ERICH3: variants seen among roughly 807,000 people sequenced by gnomAD.
The protein encoded by ERICH3 is glutamate rich 3.
Under a neutral mutation model 131.1 loss-of-function variants are expected in ERICH3, and 126 were observed. The ratio of observed to expected loss-of-function variants is 0.96; its 90% CI spans 0.83 to 1.11. ERICH3 has a LOEUF of 1.11. ERICH3 is among the 50% of genes most tolerant of loss of function. The pLI, the probability that ERICH3 is intolerant of heterozygous loss-of-function variation, is 0.00. For missense variants in ERICH3, 2,050 were observed against 1,810.7 expected (o/e 1.13, Z -2.40); for synonymous variants, 695 against 644.6 (o/e 1.08, Z -1.18).
At chr1:74,665,877 G>A (rs535857580) in intron 1 of ERICH3, among the ~76,000 whole-genome samples, 10 of 152,168 alleles carry the variant, frequency 6.6e-5, no homozygotes, top group African/African-American at 2.4e-4. Context: ...CAGAAGGGAG[G>A]GTGGCACAAT....
rs541518326 is a variant in ERICH3, at chr1:74,607,004, G to T, written c.1188-102C>A. On this transcript the variant is annotated intron_variant, in intron 9 of 14. Coordinates refer to ENST00000326665, the MANE Select transcript of ERICH3 (RefSeq NM_001002912.5). ...CTTATCTCTTATTCCAGTAAAAAAA[G>T]ACACAAAAATGTTTTGATTACAGTA... The T allele has an allele frequency of 7.1e-6, 8 of 1,119,016 alleles. No homozygotes were observed. The South Asian group carries it at 8.9e-5, about 12-fold the overall frequency. The allele number at this position is 1,119,016 out of a possible 1,614,324, so 69.3% of individuals were successfully genotyped here. A position where few individuals can be genotyped will look rare whatever the true frequency, so the allele number is the denominator to read the frequency against.
intron 11 of ERICH3, among the ~76,000 whole-genome samples, chr1:74,596,206 T>C (rs2100571907): frequency 6.6e-6 from 1 of 152,188 alleles, no homozygotes; most frequent in Middle Eastern, 3.4e-3. Flanking sequence ...AAAAATGACT[T>C]CAAGTCTTAC....
intron 1 of ERICH3, among the ~76,000 whole-genome samples, chr1:74,672,052 G>T (rs1207927224): frequency 6.6e-6 from 1 of 152,130 alleles, no homozygotes; most frequent in Non-Finnish European, 1.5e-5. Context: ...TTTGACTTCA[G>T]TTTCTGAAAT....
At chr1:74,620,583 A>G in intron 8 of ERICH3, 151 bp downstream of exon 8, 1 of 603,248 alleles carries the variant, frequency 1.7e-6, no homozygotes, top group Non-Finnish European at 2.7e-6. Context: ...AGAGCAGTAA[A>G]TCTAGATTTA....
At chr1:74,641,573 A>T (rs1033934273) in intron 4 of ERICH3, 114 bp from the exon 5 acceptor site, 1 of 1,264,896 alleles carries the variant, frequency 7.9e-7, no homozygotes, top group Admixed American at 2.7e-5. Context: ...CATTTCTTCC[A>T]AGAGTTACTT....
At chr1:74,652,397 T>C (rs962589325) in intron 1 of ERICH3, among the ~76,000 whole-genome samples, 1 of 152,152 alleles carries the variant, frequency 6.6e-6, no homozygotes, top group African/African-American at 2.4e-5. Flanking sequence ...CCTTTTCACC[T>C]GTACTTGATA....
At chr1:74,642,624 T>C (rs1385558741) in intron 4 of ERICH3, among the ~76,000 whole-genome samples, 2 of 152,136 alleles carry the variant, frequency 1.3e-5, no homozygotes, top group Admixed American at 1.3e-4. Context: ...TTTCCAAGGG[T>C]CACATTCAAA....
At chr1:74,627,997 T>C (rs1033838101) in intron 7 of ERICH3, among the ~76,000 whole-genome samples, 4 of 152,066 alleles carry the variant, frequency 2.6e-5, no homozygotes, top group African/African-American at 9.7e-5. Context: ...TAAACAAATA[T>C]AAAGATGCAA....
chr1:74,620,621 T>C (rs1209480143), intron 8 of ERICH3, 113 bp downstream of exon 8: 16 of 903,986 alleles, frequency 1.8e-5, no homozygotes, highest in Non-Finnish European at 2.2e-5. Flanking sequence ...TATAAGTCCC[T>C]GGATATGCAT....
At chr1:74,642,554 T>C (rs1646446026) in intron 4 of ERICH3, among the ~76,000 whole-genome samples, 1 of 151,556 alleles carries the variant, frequency 6.6e-6, no homozygotes. Context: ...AAAATGCATT[T>C]TACAAAATCT....
intron 13 of ERICH3, among the ~76,000 whole-genome samples, chr1:74,574,607 G>A (rs530876641): frequency 2.6e-5 from 4 of 152,276 alleles, no homozygotes; most frequent in South Asian, 2.1e-4. Flanking sequence ...TTTGCAGACC[G>A]GGACAGTTTT....
chr1:74,673,035 A>G (rs1248723618), intron 1 of ERICH3, among the ~76,000 whole-genome samples: 3 of 152,152 alleles, frequency 2.0e-5, no homozygotes, highest in East Asian at 1.9e-4. Flanking sequence ...CCTTTTCCCA[A>G]TGAAACATCT....
intron 11 of ERICH3, among the ~76,000 whole-genome samples, chr1:74,591,386 G>A (rs931746525): frequency 5.9e-5 from 9 of 152,166 alleles, no homozygotes; most frequent in African/African-American, 1.7e-4. Context: ...ATTTATATTA[G>A]GCAGGAGCTG....
intron 12 of ERICH3, chr1:74,579,917 T>C (rs1335275421): frequency 3.1e-6 from 3 of 981,204 alleles, no homozygotes; most frequent in Non-Finnish European, 3.6e-6. Context: ...AGTCAGCTTT[T>C]TTTTTTTCAC....
intron 1 of ERICH3, among the ~76,000 whole-genome samples, chr1:74,670,476 C>T (rs1646731099): frequency 6.6e-6 from 1 of 152,176 alleles, no homozygotes; most frequent in Non-Finnish European, 1.5e-5. Flanking sequence ...AACAGACAGA[C>T]TAGGTGGAGC....
chr1:74,668,446 G>C (rs1646711597), intron 1 of ERICH3, among the ~76,000 whole-genome samples: 1 of 152,160 alleles, frequency 6.6e-6, no homozygotes, highest in South Asian at 2.1e-4. Flanking sequence ...AAATCTAATT[G>C]CAAGTCAAAC....
chr1:74,597,497 A>G (rs1403865315), intron 11 of ERICH3, among the ~76,000 whole-genome samples: 1 of 152,008 alleles, frequency 6.6e-6, no homozygotes, highest in African/African-American at 2.4e-5. Flanking sequence ...AACCAGCTAT[A>G]TGTTCTTATA....
At chr1:74,652,879 TG>T (rs891287911) in intron 1 of ERICH3, among the ~76,000 whole-genome samples, 3 of 152,008 alleles carry the variant, frequency 2.0e-5, no homozygotes, top group African/African-American at 7.2e-5. Context: ...GGTCACTAGG[TG>T]GGGGAAAAAC....
chr1:74,599,609 G>T, intron 11 of ERICH3, 86 bp downstream of exon 11: 2 of 1,119,714 alleles, frequency 1.8e-6, no homozygotes, highest in East Asian at 2.4e-5. Flanking sequence ...AAAAAAAGAG[G>T]ATTATCTCAT....
Sources: gnomAD v4.1 joint callset for allele counts (sites outside exome capture counted in the v4.1 genomes callset) on GRCh38, gnomAD v4.1.1 for gene constraint, MANE v1.5 for transcripts, NCBI Gene and HGNC (gene_info 2026-07-23, HGNC 2026-07-21) for gene names.